Variants in ACLY observed in about 807,000 individuals in gnomAD.
ACLY encodes ATP-citrate synthase.
Under a neutral mutation model 133.0 loss-of-function variants are expected in ACLY, and 41 were observed. The ratio of observed to expected loss-of-function variants is 0.31; its 90% CI spans 0.24 to 0.40. The LOEUF (loss-of-function observed/expected upper bound fraction) is 0.40, where lower values mean the gene tolerates loss of function less well. ACLY is among the 10% of genes least tolerant of loss of function. The pLI is 1.00. For missense variants in ACLY, 1,046 were observed against 1,453.8 expected, an observed-to-expected ratio of 0.72 and a Z score of 4.56; for synonymous variants, 495 against 549.3, an observed-to-expected ratio of 0.90 and a Z score of 1.38.
chr17:41,887,770 T>A (rs1174559358), intron 16 of ACLY, 67 bp from the exon 17 acceptor site: 2 of 1,304,066 alleles, frequency 1.5e-6, no homozygotes, highest in Admixed American at 3.4e-5. Flanking sequence ...GACAGCACCG[T>A]TTAAGGGCCC....
rs562469188 is a variant in ACLY at position 41,884,244 on chromosome 17, C to T, written c.2103G>A (p.Val701=). ...CTCCTGGAGTGTCCTGATAGCGTAACACATGATCCATGAATGTGGAGCCCG... is the reference window on the plus strand; with the variant it reads ...CTCCTGGAGTGTCCTGATAGCGTAATACATGATCCATGAATGTGGAGCCCG... The part of the protein sequence containing the change: ...RYPGSTFMDH[V]LRYQDTPGVK... The change falls in exon 19 of 29, where the codon GTG becomes GTA. Residue 701 remains valine (V), a synonymous_variant. Coordinates refer to ENST00000352035, the MANE Select transcript of ACLY (RefSeq NM_001096.3). 2 of 1,612,716 alleles carry T rather than the reference C, an allele frequency of 1.2e-6. No homozygotes were observed. The highest frequency in any genetic ancestry group is 1.7e-5 in the Admixed American group (1 of 60,002).
intron 11 of ACLY, among the ~76,000 whole-genome samples, chr17:41,900,023 C>T (rs2049482641): frequency 7.2e-6 from 1 of 138,762 alleles, no homozygotes; most frequent in African/African-American, 2.7e-5. Context: ...GAGCTGTGAT[C>T]ACACCACCGC....
At chr17:41,918,809 T>C in intron 1 of ACLY, 71 bp downstream of exon 1, 3 of 1,263,238 alleles carry the variant, frequency 2.4e-6, no homozygotes, top group Non-Finnish European at 3.1e-6. Context: ...CGGTTCCGGG[T>C]TGGGGGACGG....
At chr17:41,922,355 G>C (rs2050193013), upstream of ACLY, among the ~76,000 whole-genome samples, 1 of 148,208 alleles carries the variant, frequency 6.7e-6, no homozygotes, top group East Asian at 2.0e-4. Context: ...CTCCAGGCTG[G>C]GTGACAGAGC....
chr17:41,875,346 G>A (rs1450364937), intron 22 of ACLY, among the ~76,000 whole-genome samples: 3 of 66,938 alleles, frequency 4.5e-5, no homozygotes, highest in South Asian at 6.8e-4. Flanking sequence ...GTGAAACTCC[G>A]TCTCAAAAAA....
chr17:41,906,483 T>C, intron 8 of ACLY, 45 bp downstream of exon 8: 3 of 1,548,824 alleles, frequency 1.9e-6, no homozygotes, highest in Non-Finnish European at 2.7e-6. Flanking sequence ...ATGTTGATGC[T>C]GGGTAGACTG....
Position 41,913,747 on chromosome 17 carries a change from A to G in ACLY, c.127T>C (p.Leu43=), listed in dbSNP as rs2049971432. 1 of 1,614,206 alleles carries G rather than the reference A, an allele frequency of 6.2e-7. No individual in the cohort carries two copies. The highest frequency in any genetic ancestry group is 8.5e-7 in the Non-Finnish European group (1 of 1,180,040). Residue 43 remains leucine (L), a synonymous_variant, in exon 2 of 29, where the codon TTG becomes CTG. Coordinates refer to ENST00000352035, the MANE Select transcript of ACLY (RefSeq NM_001096.3). ...RVTPDTDWAR[L]LQDHPWLLSQ... ...AGCAGCCAGGGGTGGTCCTGCAGCA[A>G]GCGGGCCCAGTCTGTGTCAGGAGTG...
intron 2 of ACLY, 74 bp downstream of exon 2, chr17:41,913,641 C>T: frequency 6.6e-7 from 1 of 1,523,472 alleles, no homozygotes; most frequent in South Asian, 1.2e-5. Flanking sequence ...ATCGGCATCA[C>T]CAACAAACCA....
chr17:41,904,979 G>GC (rs2049667414), intron 9 of ACLY, among the ~76,000 whole-genome samples, 189 bp from the exon 10 acceptor site: 1 of 152,118 alleles, frequency 6.6e-6, no homozygotes, highest in African/African-American at 2.4e-5. Context: ...CATTACCTAT[G>GC]CCACCAGACA....
At chr17:41,917,618 T>C (rs1324151546) in intron 1 of ACLY, among the ~76,000 whole-genome samples, 1 of 152,102 alleles carries the variant, frequency 6.6e-6, no homozygotes, top group African/African-American at 2.4e-5. Context: ...CATTTGAAGG[T>C]TAGTATCTGC....
chr17:41,929,871 T>G (rs9807011), intron 1 of ACLY, among the ~76,000 whole-genome samples: 5,281 of 152,066 alleles, frequency 0.035, 329 homozygotes, highest in African/African-American at 0.12. Flanking sequence ...ATGCCGTGTG[T>G]GTGTGTGTGT....
chr17:41,874,941 A>AT (rs71155184), intron 22 of ACLY, among the ~76,000 whole-genome samples: 1 of 149,784 alleles, frequency 6.7e-6, no homozygotes, highest in Admixed American at 6.6e-5. Context: ...AAAAAAAAAA[A>AT]TGAGGCTTAG....
At position 41,893,110 on chromosome 17, in the gene ACLY, G is replaced by C. The variant is rs142245086; in HGVS notation, c.1524C>G (p.Ala508=). The C allele has an allele frequency of 5.0e-6, 8 of 1,614,026 alleles. No individual in the cohort carries two copies. In the African/African-American group the frequency reaches 1.1e-4, roughly 22 times the overall value. Residue 508 remains alanine (A), a synonymous_variant, in exon 15 of 29, where the codon GCC becomes GCG. Transcript: ENST00000352035. ...AGTCAAAGTCCAGCATGCCTTGCAC[G>C]GCCCGGGTCTGCATGCCCCACACAA... ...KAIVWGMQTR[A]VQGMLDFDYV...
At chr17:41,874,062 C>G in intron 22 of ACLY, 97 bp from the exon 23 acceptor site, 1 of 1,265,474 alleles carries the variant, frequency 7.9e-7, no homozygotes, top group Non-Finnish European at 1.0e-6. Context: ...ACCAAAGCAC[C>G]CCAGGAATGT....
At chr17:41,868,651 T>C (rs2144187817) in intron 28 of ACLY, 58 bp downstream of exon 28, 1 of 1,330,966 alleles carries the variant, frequency 7.5e-7, no homozygotes, top group East Asian at 2.4e-5. Context: ...GAGTAAGTGG[T>C]GTAGCTGAAC....
At chr17:41,876,704 C>T (rs1158524534) in intron 22 of ACLY, among the ~76,000 whole-genome samples, 1 of 152,112 alleles carries the variant, frequency 6.6e-6, no homozygotes, top group Non-Finnish European at 1.5e-5. Context: ...TAAACAGATG[C>T]TTGAAGGCAG....
Position 41,913,848 on chromosome 17 carries a change from T to C in ACLY, c.26A>G (p.Gln9Arg). The change falls in exon 2 of 29, where the codon CAG becomes CGG. Residue 9 changes from glutamine (Q) to arginine (R), a missense_variant. Coordinates refer to ENST00000352035, the MANE Select transcript of ACLY (RefSeq NM_001096.3). ...CTTGTAAAGGAGTTCTTTGCCCGTC[T>C]GCTCTGAAATTGCCTTGGCCGACAT... Reference protein sequence around the residue: MSAKAISEQTGKELLYKFI... With the variant: MSAKAISERTGKELLYKFI... 6.2e-7 allele frequency: 1 copy of C among 1,614,244 alleles called. No homozygotes were observed. Among genetic ancestry groups the C allele is most frequent in the Middle Eastern group, 1.6e-4 (1 of 6,062 alleles).
At chr17:41,906,672 G>A (rs782294317) in intron 7 of ACLY, 26 bp from the exon 8 acceptor site, 3 of 1,593,040 alleles carry the variant, frequency 1.9e-6, no homozygotes, top group Non-Finnish European at 1.7e-6. Flanking sequence ...CAACAGGTAG[G>A]CCCTTGGGGT....
At chr17:41,922,508 C>A (rs1471475242), upstream of ACLY, among the ~76,000 whole-genome samples, 2 of 150,820 alleles carry the variant, frequency 1.3e-5, no homozygotes, top group East Asian at 3.9e-4. Context: ...GTCATCCAGG[C>A]GGGACATAAA....
Sources: gnomAD v4.1 joint callset for allele counts (sites outside exome capture counted in the v4.1 genomes callset) on GRCh38, gnomAD v4.1.1 for gene constraint, MANE v1.5 for transcripts, NCBI Gene and HGNC (gene_info 2026-07-23, HGNC 2026-07-21) for gene names.